CSMD1: variants seen among roughly 807,000 people sequenced by gnomAD.
CSMD1 encodes CUB and sushi domain-containing protein 1.
In CSMD1, 213 loss-of-function variants were observed where a neutral mutation model predicts 417.5. That is an observed-to-expected ratio of 0.51 (90% confidence interval 0.46 to 0.57). The LOEUF (loss-of-function observed/expected upper bound fraction) is 0.57. Ranked by LOEUF, CSMD1 falls within the 20% of genes least tolerant of loss-of-function variation. CSMD1 has a pLI of 0.00. For synonymous variants in CSMD1, 2,862 were observed against 1,736.8 expected (o/e 1.65, Z -16.11); for missense variants, 6,923 against 4,529.7 (o/e 1.53, Z -15.17).
At chr8:4,457,360 G>C (rs974544637) in intron 2 of CSMD1, among the ~76,000 whole-genome samples, 15 of 152,114 alleles carry the variant, frequency 9.9e-5, no homozygotes, top group African/African-American at 3.6e-4. Flanking sequence ...TGCGGAGGAA[G>C]AAGTGATTGG....
intron 5 of CSMD1, among the ~76,000 whole-genome samples, chr8:3,854,375 A>T (rs933471906): frequency 8.6e-5 from 13 of 152,046 alleles, no homozygotes; most frequent in African/African-American, 3.1e-4. Context: ...TTAAGAACAC[A>T]GATAATGAAT....
chr8:4,890,650 G>A (rs529979009), intron 1 of CSMD1, among the ~76,000 whole-genome samples: 1 of 151,292 alleles, frequency 6.6e-6, no homozygotes, highest in South Asian at 2.1e-4. Context: ...ATCCTGGGCA[G>A]GACAGATGAG....
chr8:3,286,664 T>G (rs1274178687), intron 25 of CSMD1, among the ~76,000 whole-genome samples: 1 of 131,534 alleles, frequency 7.6e-6, no homozygotes, highest in Non-Finnish European at 1.8e-5. Context: ...ACCCACTTAT[T>G]GAAGGGGTTG....
At chr8:2,955,862 G>C (rs1349703981) in intron 63 of CSMD1, 94 bp from the exon 64 acceptor site, 38 of 1,075,778 alleles carry the variant, frequency 3.5e-5, no homozygotes, top group African/African-American at 6.4e-5. Flanking sequence ...TTTGGAAATG[G>C]TTATGCAGTC....
chr8:3,913,855 G>T (rs1163752158), intron 5 of CSMD1, among the ~76,000 whole-genome samples: 1 of 151,790 alleles, frequency 6.6e-6, no homozygotes, highest in Non-Finnish European at 1.5e-5. Flanking sequence ...TGACTTTCCT[G>T]TGTGTGTATA....
intron 3 of CSMD1, among the ~76,000 whole-genome samples, chr8:4,106,407 A>G (rs1801570732): frequency 6.6e-6 from 1 of 152,218 alleles, no homozygotes; most frequent in African/African-American, 2.4e-5. Context: ...TAAATATTAT[A>G]CAAGTCATTT....
At chr8:4,941,446 T>A (rs988145682) in intron 1 of CSMD1, among the ~76,000 whole-genome samples, 1 of 152,318 alleles carries the variant, frequency 6.6e-6, no homozygotes, top group East Asian at 1.9e-4. Flanking sequence ...AGCCATGTTG[T>A]ACAACAAGTG....
chr8:4,896,954 G>C (rs922963731), intron 1 of CSMD1, among the ~76,000 whole-genome samples: 1 of 152,004 alleles, frequency 6.6e-6, no homozygotes, highest in Non-Finnish European at 1.5e-5. Context: ...CCAAGGAAGG[G>C]CTCTCCATTT....
intron 10 of CSMD1, among the ~76,000 whole-genome samples, chr8:3,556,027 T>C (rs1002381170): frequency 1.3e-5 from 2 of 152,126 alleles, no homozygotes; most frequent in Non-Finnish European, 2.9e-5. Context: ...AAATAGAATA[T>C]AGAGGAATTT....
At chr8:3,065,401 G>C (rs1476586471) in intron 49 of CSMD1, among the ~76,000 whole-genome samples, 1 of 151,998 alleles carries the variant, frequency 6.6e-6, no homozygotes, top group African/African-American at 2.4e-5. Flanking sequence ...AAGGTAGATG[G>C]ATAGATTGCT....
intron 1 of CSMD1, among the ~76,000 whole-genome samples, chr8:4,949,619 A>C (rs1399009499): frequency 1.3e-5 from 2 of 152,150 alleles, no homozygotes; most frequent in African/African-American, 4.8e-5. Flanking sequence ...GCCCTTCCAC[A>C]TCCCCAACCA....
intron 3 of CSMD1, among the ~76,000 whole-genome samples, chr8:4,320,907 A>C (rs1017886726): frequency 6.6e-6 from 1 of 152,082 alleles, no homozygotes; most frequent in Non-Finnish European, 1.5e-5. Flanking sequence ...TTTCACTTAT[A>C]GTATCTTCTT....
chr8:4,870,420 G>A (rs1015290100), intron 1 of CSMD1, among the ~76,000 whole-genome samples: 1 of 152,110 alleles, frequency 6.6e-6, no homozygotes, highest in African/African-American at 2.4e-5. Flanking sequence ...TTTTCTTAAA[G>A]GATGCATAGT....
At chr8:3,708,596 C>A in intron 6 of CSMD1, 105 bp from the exon 7 acceptor site, 1 of 856,448 alleles carries the variant, frequency 1.2e-6, no homozygotes. Context: ...TATCAACCCC[C>A]GAAAATGGGA....
intron 1 of CSMD1, among the ~76,000 whole-genome samples, chr8:4,683,279 T>C (rs969824242): frequency 6.6e-6 from 1 of 152,008 alleles, no homozygotes; most frequent in Non-Finnish European, 1.5e-5. Flanking sequence ...GTAATTAAGA[T>C]AAAAAGAAAA....
At chr8:4,944,165 G>C (rs964010671) in intron 1 of CSMD1, among the ~76,000 whole-genome samples, 8 of 152,064 alleles carry the variant, frequency 5.3e-5, no homozygotes, top group African/African-American at 1.7e-4. Context: ...TCTCATGAAA[G>C]AGAAAAAATC....
chr8:3,082,396 C>T (rs542092386), intron 49 of CSMD1, among the ~76,000 whole-genome samples: 1 of 152,188 alleles, frequency 6.6e-6, no homozygotes, highest in African/African-American at 2.4e-5. Flanking sequence ...CCATCGTCCT[C>T]CACCATGTCC....
intron 2 of CSMD1, among the ~76,000 whole-genome samples, chr8:4,527,604 G>C (rs1796584532): frequency 6.6e-6 from 1 of 152,078 alleles, no homozygotes; most frequent in Non-Finnish European, 1.5e-5. Context: ...GAAGTTGGTA[G>C]GGCCCCATAT....
intron 5 of CSMD1, among the ~76,000 whole-genome samples, chr8:3,818,534 C>T (rs961946981): frequency 1.3e-5 from 2 of 152,054 alleles, no homozygotes; most frequent in African/African-American, 4.8e-5. Context: ...GGTAGGCTTA[C>T]CCCAAGAAGA....
Sources: gnomAD v4.1 joint callset for allele counts (sites outside exome capture counted in the v4.1 genomes callset) on GRCh38, gnomAD v4.1.1 for gene constraint, MANE v1.5 for transcripts, NCBI Gene and HGNC (gene_info 2026-07-23, HGNC 2026-07-21) for gene names.